CCSER1: variants seen among roughly 807,000 people sequenced by gnomAD.
CCSER1 encodes serine-rich coiled-coil domain-containing protein 1.
In CCSER1, 41 loss-of-function variants were observed where a neutral mutation model predicts 82.0. The observed-to-expected ratio is 0.50, with a 90% CI of 0.39 to 0.65. The LOEUF is 0.65. CCSER1 is among the 30% of genes least tolerant of loss of function. The probability of loss-of-function intolerance (pLI) is 0.00; values close to 1 mark genes in which losing one functional copy is unlikely to be tolerated. For synonymous variants in CCSER1, 414 were observed against 383.9 expected, an observed-to-expected ratio of 1.08 and a Z score of -0.92; for missense variants, 1,119 against 1,064.2, an observed-to-expected ratio of 1.05 and a Z score of -0.72.
intron 10 of CCSER1, among the ~76,000 whole-genome samples, chr4:91,334,722 C>T (rs1325429530): frequency 6.6e-6 from 1 of 152,064 alleles, no homozygotes; most frequent in Non-Finnish European, 1.5e-5. Context: ...TAAGTGTCAT[C>T]ACCTATGATG....
chr4:90,349,433 G>A (rs1044499115), intron 3 of CCSER1, among the ~76,000 whole-genome samples: 2 of 152,032 alleles, frequency 1.3e-5, no homozygotes, highest in East Asian at 1.9e-4. Context: ...GGATAGAAAC[G>A]TGGTGGCATA....
At chr4:91,293,323 C>T (rs979531228) in intron 10 of CCSER1, among the ~76,000 whole-genome samples, 5 of 151,910 alleles carry the variant, frequency 3.3e-5, no homozygotes, top group African/African-American at 7.2e-5. Context: ...TTTGGAAACT[C>T]GGTACACATA....
At chr4:91,251,499 C>A (rs536516086) in intron 10 of CCSER1, among the ~76,000 whole-genome samples, 28 of 152,212 alleles carry the variant, frequency 1.8e-4, no homozygotes, top group Non-Finnish European at 3.2e-4. Context: ...AGAATTCAAT[C>A]CTGGAAGTGC....
At chr4:91,404,049 T>C (rs1284820973) in intron 10 of CCSER1, among the ~76,000 whole-genome samples, 1 of 152,170 alleles carries the variant, frequency 6.6e-6, no homozygotes, top group Non-Finnish European at 1.5e-5. Flanking sequence ...GTTGGTAGGC[T>C]ATTAATTATT....
intron 9 of CCSER1, among the ~76,000 whole-genome samples, chr4:91,039,566 C>T (rs1741743609): frequency 6.6e-6 from 1 of 151,962 alleles, no homozygotes; most frequent in South Asian, 2.1e-4. Context: ...TTTGACTGGT[C>T]CCTTATTTTT....
intron 10 of CCSER1, among the ~76,000 whole-genome samples, chr4:91,402,113 A>G (rs1253523617): frequency 6.6e-6 from 1 of 152,028 alleles, no homozygotes; most frequent in Non-Finnish European, 1.5e-5. Flanking sequence ...ATGGTATCTC[A>G]TTGTGGTTTT....
chr4:90,518,818 T>C (rs926371731), intron 5 of CCSER1, among the ~76,000 whole-genome samples: 3 of 151,888 alleles, frequency 2.0e-5, no homozygotes, highest in Admixed American at 1.3e-4. Context: ...TATAAGGATA[T>C]ATAGATAGGA....
chr4:91,401,451 A>G (rs1190889499), intron 10 of CCSER1, among the ~76,000 whole-genome samples: 4 of 151,362 alleles, frequency 2.6e-5, no homozygotes, highest in African/African-American at 9.7e-5. Flanking sequence ...CACAACGTGC[A>G]GGTTTGTTAC....
chr4:91,054,302 C>G (rs1468829140), intron 9 of CCSER1, among the ~76,000 whole-genome samples: 1 of 152,172 alleles, frequency 6.6e-6, no homozygotes, highest in East Asian at 1.9e-4. Context: ...TCAAATCGCT[C>G]AAATTCACCT....
At chr4:90,668,804 T>A (rs1487595835) in intron 6 of CCSER1, among the ~76,000 whole-genome samples, 1 of 152,094 alleles carries the variant, frequency 6.6e-6, no homozygotes, top group Non-Finnish European at 1.5e-5. Context: ...TTTGGCATAA[T>A]TTGATTGGGA....
chr4:91,549,802 T>C (rs1383266594), intron 10 of CCSER1, among the ~76,000 whole-genome samples: 2 of 152,158 alleles, frequency 1.3e-5, no homozygotes, highest in African/African-American at 4.8e-5. Context: ...ATCACTGCAC[T>C]TCAACCTGGG....
chr4:90,382,537 G>T (rs537667320), intron 3 of CCSER1, among the ~76,000 whole-genome samples: 1 of 152,090 alleles, frequency 6.6e-6, no homozygotes, highest in African/African-American at 2.4e-5. Context: ...AGGTAGCAAT[G>T]ATTTTATTTT....
At chr4:91,348,220 G>T (rs756370206) in intron 10 of CCSER1, among the ~76,000 whole-genome samples, 5 of 152,086 alleles carry the variant, frequency 3.3e-5, no homozygotes, top group Middle Eastern at 3.4e-3. Context: ...TGCTTTTGCT[G>T]CATCTATTAA....
intron 10 of CCSER1, among the ~76,000 whole-genome samples, chr4:91,122,001 A>G (rs1343801424): frequency 1.3e-5 from 2 of 151,876 alleles, no homozygotes; most frequent in East Asian, 1.9e-4. Flanking sequence ...TTATTTCAGA[A>G]TGAATGAAGA....
intron 6 of CCSER1, among the ~76,000 whole-genome samples, chr4:90,695,996 A>T (rs1264363269): frequency 6.6e-6 from 1 of 152,130 alleles, no homozygotes; most frequent in Non-Finnish European, 1.5e-5. Flanking sequence ...TTTAATGAAT[A>T]AAAGTATGCA....
At chr4:90,859,141 T>A (rs1222064870) in intron 8 of CCSER1, among the ~76,000 whole-genome samples, 1 of 151,868 alleles carries the variant, frequency 6.6e-6, no homozygotes, top group Admixed American at 6.6e-5. Context: ...CAGAAACTGA[T>A]CCCATTCTAG....
chr4:90,711,439 C>T (rs1740593206), intron 6 of CCSER1, among the ~76,000 whole-genome samples: 1 of 151,996 alleles, frequency 6.6e-6, no homozygotes, highest in Admixed American at 6.6e-5. Flanking sequence ...CCAGCTTTTG[C>T]CCATTTAGTA....
chr4:91,161,871 TCATCTGCAAACAGTGACAATTTGA>T (rs937392525), intron 10 of CCSER1, among the ~76,000 whole-genome samples: 27 of 152,180 alleles, frequency 1.8e-4, no homozygotes, highest in Non-Finnish European at 1.2e-4. Context: ...CACAATCATG[TCATCTGCAAACAGTGACAATTTGA>T]CTTCCTCTTT....
At chr4:90,559,874 C>T (rs1560718817) in intron 5 of CCSER1, among the ~76,000 whole-genome samples, 1 of 145,372 alleles carries the variant, frequency 6.9e-6, no homozygotes, top group Non-Finnish European at 1.5e-5. Flanking sequence ...GTCCTACCTA[C>T]TTAGGAGGCT....
Sources: allele counts gnomAD v4.1 joint callset (sites outside exome capture counted in the v4.1 genomes callset), GRCh38; gene constraint gnomAD v4.1.1; transcripts MANE v1.5; gene names NCBI Gene and HGNC (gene_info 2026-07-23, HGNC 2026-07-21).